The following CIT variants were observed in gnomAD, a reference collection of about 807,000 sequenced individuals.
CIT encodes the protein citron Rho-interacting kinase.
CIT carries 79 observed loss-of-function variants against 272.7 expected under a neutral mutation model. The ratio of observed to expected loss-of-function variants is 0.29; its 90% confidence interval spans 0.24 to 0.35. The LOEUF is 0.35. Among genes scored for constraint, CIT ranks in the 10% least tolerant of loss-of-function variants. CIT has a pLI of 1.00. For missense variants in CIT, 1,909 were observed against 2,618.3 expected (o/e 0.73, Z 5.91); for synonymous variants, 948 against 995.6 (o/e 0.95, Z 0.90).
chr12:119,710,897 T>A lies in CIT; in HGVS notation c.4855-277A>T. ...AGGGAGGGTAGTAGACATGGAAAGC[T>A]ATTCTGTAATAAGAAATAAGCTGAA... is the stretch of plus-strand genomic sequence containing the variant. On this transcript the variant is annotated intron_variant, in intron 37 of 47. Transcript: ENST00000392521. The surrounding 1 kb of genome is among the most constrained non-coding windows in gnomAD (Gnocchi z 5.6). 1 of 632,934 alleles carries A rather than the reference T, an allele frequency of 1.6e-6. No homozygotes were observed. The highest frequency in any genetic ancestry group is 2.5e-6 in the Non-Finnish European group (1 of 392,626). The allele number at this position is 632,934 out of a possible 1,614,324, so 39.2% of individuals were successfully genotyped here. A position where few individuals can be genotyped will look rare whatever the true frequency, so the allele number is the denominator to read the frequency against.
At chr12:119,691,171 C>CAAA (rs35222584) in intron 46 of CIT, among the ~76,000 whole-genome samples, 36 of 70,214 alleles carry the variant, frequency 5.1e-4, no homozygotes, top group African/African-American at 8.3e-4. Context: ...GACTCCGTCT[C>CAAA]AAAAAAAAAA....
At position 119,685,843 on chromosome 12, in the gene CIT, C is replaced by T. The variant is rs1438428356; in HGVS notation, c.*2389G>A. On this transcript the variant is annotated 3_prime_UTR_variant, in exon 48 of 48. Transcript: ENST00000392521. The stretch of plus-strand genomic sequence containing the variant: ...TAATTGTTCAACAACAAAGTTCATT[C>T]CTCTCAAGGTGGATCTTGAATCATT... The T allele has an allele frequency of 6.6e-6, 1 of 152,444 alleles. No homozygotes were observed. The highest frequency in any genetic ancestry group is 2.4e-5 in the African/African-American group (1 of 41,444). The allele number at this position is 152,444 out of a possible 1,614,324, so 9.4% of individuals were successfully genotyped here. A position where few individuals can be genotyped will look rare whatever the true frequency, so the allele number is the denominator to read the frequency against.
Position 119,712,318 on chromosome 12 carries a change from G to A in CIT, c.4714C>T (p.His1572Tyr). ...CCGGGCCAGCAGGTGGTGTGCGGGT[G>A]AGATTCCATCTTCAGTATGTATGGG... Reference protein sequence around the residue: ...DVPYILKMESHPHTTCWPGRT... With the variant: ...DVPYILKMESYPHTTCWPGRT... The change falls in exon 37 of 48, where the codon CAC (histidine) becomes TAC (tyrosine). Residue 1572 changes from histidine to tyrosine, a missense_variant. Coordinates refer to ENST00000392521, the MANE Select transcript of CIT (RefSeq NM_001206999.2). The surrounding 1 kb of genome is among the most constrained non-coding windows in gnomAD (Gnocchi z 5.2). 1.2e-6 allele frequency: 2 copies of A among 1,613,530 alleles called. No individual in the cohort carries two copies. Among genetic ancestry groups the A allele is most frequent in the South Asian group, 1.1e-5 (1 of 90,990 alleles).
chr12:119,688,179 G>A lies in CIT; in HGVS notation c.*53C>T. The A allele has an allele frequency of 6.3e-7, 1 of 1,582,862 alleles. No individual in the cohort carries two copies. The highest frequency in any genetic ancestry group is 8.7e-7 in the Non-Finnish European group (1 of 1,151,528). ...CCCCATCAGCAGAGTTCCATAGTGT[G>A]TTTGGTGTTTTCCTGCAGATCAAGA... On this transcript the variant is annotated 3_prime_UTR_variant, in exon 48 of 48. Coordinates refer to ENST00000392521, the MANE Select transcript of CIT (RefSeq NM_001206999.2).
intron 23 of CIT, 105 bp from the exon 24 acceptor site, chr12:119,742,569 T>C: frequency 2.8e-6 from 2 of 715,430 alleles, no homozygotes; most frequent in Middle Eastern, 2.5e-4. Flanking sequence ...AAGCCGAGAA[T>C]GCGGCACCAG....
chr12:119,713,389 G>A lies in CIT; in HGVS notation c.4487+79C>T, dbSNP rs1039065414. ...AGGGGGTGGCAGAGTTCCTAGAAAA[G>A]ACACTTCCCTAGAAAACATCAGGGA... On this transcript the variant is annotated intron_variant, in intron 34 of 47. Coordinates refer to ENST00000392521, the MANE Select transcript of CIT (RefSeq NM_001206999.2). The surrounding 1 kb of genome is among the most constrained non-coding windows in gnomAD (Gnocchi z 5.2). 6.3e-7 allele frequency: 1 copy of A among 1,589,812 alleles called. No homozygotes were observed. Among genetic ancestry groups the A allele is most frequent in the Non-Finnish European group, 8.6e-7 (1 of 1,162,508 alleles).
rs907679796 is a variant in CIT, at chr12:119,687,931, T to C, written c.*301A>G. 2.8e-6 allele frequency: 1 copy of C among 361,876 alleles called. No homozygotes were observed. Among genetic ancestry groups the C allele is most frequent in the African/African-American group, 2.1e-5 (1 of 47,758 alleles). The allele number at this position is 361,876 out of a possible 1,614,324, so 22.4% of individuals were successfully genotyped here. A position where few individuals can be genotyped will look rare whatever the true frequency, so the allele number is the denominator to read the frequency against. ...TCCCGGTTGGTTTCCTTTGATGAAC[T>C]AACTGGTACAGGCTAGAGCTAGGTA... On this transcript the variant is annotated 3_prime_UTR_variant, in exon 48 of 48. Transcript: ENST00000392521.
chr12:119,856,857 C>G (rs1004167485), intron 4 of CIT, among the ~76,000 whole-genome samples: 3 of 152,136 alleles, frequency 2.0e-5, no homozygotes, highest in African/African-American at 7.2e-5. Context: ...ACTTCTATTC[C>G]TTTTGCAAGC....
chr12:119,740,603 G>A (rs538372297), intron 24 of CIT, among the ~76,000 whole-genome samples: 1 of 152,088 alleles, frequency 6.6e-6, no homozygotes, highest in African/African-American at 2.4e-5. Context: ...AACTCCAGAT[G>A]AATGGAACAG....
Position 119,688,152 on chromosome 12 carries a change from G to T in CIT, c.*80C>A, listed in dbSNP as rs536415444. 3.4e-5 allele frequency: 51 copies of T among 1,501,030 alleles called. No homozygotes were observed. In the Admixed American group the frequency reaches 6.7e-4, roughly 20 times the overall value. The allele number at this position is 1,501,030 out of a possible 1,614,324, so 93.0% of individuals were successfully genotyped here. On this transcript the variant is annotated 3_prime_UTR_variant, in exon 48 of 48. Transcript: ENST00000392521. ...GGTGGCTGAGCACGTGGGCGCTTGG[G>T]TCCCCATCAGCAGAGTTCCATAGTG...
chr12:119,749,522 G>T (rs1057118274), intron 23 of CIT, among the ~76,000 whole-genome samples: 2 of 152,144 alleles, frequency 1.3e-5, no homozygotes, highest in African/African-American at 4.8e-5. Flanking sequence ...ATCAAGAGAA[G>T]GGGGAAGGAA....
At chr12:119,758,249 C>A (rs1170911639) in intron 21 of CIT, among the ~76,000 whole-genome samples, 1 of 152,192 alleles carries the variant, frequency 6.6e-6, no homozygotes, top group Non-Finnish European at 1.5e-5. Flanking sequence ...ATGGATGGCC[C>A]AACTGGGCAC....
intron 12 of CIT, chr12:119,783,707 A>C: frequency 1.9e-6 from 1 of 534,208 alleles, no homozygotes; most frequent in Non-Finnish European, 3.2e-6. Flanking sequence ...TCTGCTGGAA[A>C]TGAGTCCAAT....
intron 22 of CIT, among the ~76,000 whole-genome samples, chr12:119,752,458 C>T (rs970560589): frequency 3.3e-5 from 5 of 152,170 alleles, no homozygotes; most frequent in Non-Finnish European, 5.9e-5. Flanking sequence ...CAGGTAAGGG[C>T]TATATCTCCT....
At chr12:119,745,514 G>A (rs1959250884) in intron 23 of CIT, among the ~76,000 whole-genome samples, 1 of 151,648 alleles carries the variant, frequency 6.6e-6, no homozygotes, top group Admixed American at 6.6e-5. Context: ...GCAAACCTGT[G>A]CTATAAGAAA....
chr12:119,699,391 G>A (rs1422522255), intron 44 of CIT, among the ~76,000 whole-genome samples: 3 of 152,068 alleles, frequency 2.0e-5, no homozygotes, highest in African/African-American at 4.8e-5. Flanking sequence ...ACACAGGACT[G>A]GAAATATTTT....
At chr12:119,782,706 A>T (rs1964411595) in intron 12 of CIT, 69 bp from the exon 13 acceptor site, 9 of 1,584,472 alleles carry the variant, frequency 5.7e-6, no homozygotes, top group Non-Finnish European at 7.7e-6. Context: ...ACTCATTAAG[A>T]GAGCTGCAAG....
intron 7 of CIT, among the ~76,000 whole-genome samples, chr12:119,829,194 C>T (rs1182177688): frequency 1.3e-5 from 2 of 151,984 alleles, no homozygotes; most frequent in Non-Finnish European, 2.9e-5. Flanking sequence ...AAAAATTAGC[C>T]AGGCATGGTG....
chr12:119,725,788 G>A (rs1353540871), intron 28 of CIT, among the ~76,000 whole-genome samples: 1 of 152,232 alleles, frequency 6.6e-6, no homozygotes, highest in East Asian at 1.9e-4. Flanking sequence ...GTACTGGGCT[G>A]TCAGGGCCAA....
Sources: allele counts gnomAD v4.1 joint callset (sites outside exome capture counted in the v4.1 genomes callset), GRCh38; gene constraint gnomAD v4.1.1; non-coding constraint Gnocchi (gnomAD v3.1); transcripts MANE v1.5; gene names NCBI Gene and HGNC (gene_info 2026-07-23, HGNC 2026-07-21).